Variants in PRUNE2 observed in about 807,000 individuals in gnomAD.
PRUNE2 encodes the protein protein prune homolog 2.
PRUNE2 carries 164 observed loss-of-function variants against 252.0 expected under a neutral mutation model. That is an observed-to-expected ratio of 0.65 (90% CI 0.57 to 0.74). The LOEUF (loss-of-function observed/expected upper bound fraction) is 0.74, where lower values mean the gene tolerates loss of function less well. Ranked by LOEUF, PRUNE2 falls within the 30% of genes least tolerant of loss-of-function variation. The pLI is 0.00. For missense variants in PRUNE2, 3,495 were observed against 3,711.0 expected (o/e 0.94, Z 1.51); for synonymous variants, 1,292 against 1,350.2 (o/e 0.96, Z 0.94).
intron 6 of PRUNE2, among the ~76,000 whole-genome samples, chr9:76,718,750 C>T (rs764077661): frequency 6.6e-6 from 1 of 152,090 alleles, no homozygotes; most frequent in Non-Finnish European, 1.5e-5. Flanking sequence ...CCACTGATGA[C>T]AGAATCTACA....
chr9:76,799,106 C>T (rs970567431), intron 6 of PRUNE2, among the ~76,000 whole-genome samples: 12 of 152,190 alleles, frequency 7.9e-5, no homozygotes, highest in African/African-American at 2.9e-4. Context: ...TTTGGGAGGC[C>T]GAGGTGGGTG....
chr9:76,625,014 A>G (rs1019040102), intron 16 of PRUNE2: 8 of 1,302,174 alleles, frequency 6.1e-6, no homozygotes, highest in African/African-American at 1.5e-5. Flanking sequence ...GGAGATCAGG[A>G]GATTTTACCT....
At chr9:76,767,376 G>A (rs936290981) in intron 6 of PRUNE2, among the ~76,000 whole-genome samples, 8 of 151,988 alleles carry the variant, frequency 5.3e-5, no homozygotes, top group African/African-American at 7.2e-5. Flanking sequence ...GCTTGAACTC[G>A]GGAGGCAGAG....
chr9:76,638,435 T>G, intron 12 of PRUNE2, 147 bp from the exon 13 acceptor site: 1 of 615,620 alleles, frequency 1.6e-6, no homozygotes, highest in Middle Eastern at 2.8e-4. Context: ...TGACTATAGG[T>G]CTGTAGGTAT....
At chr9:76,717,176 T>A (rs1297352701) in intron 6 of PRUNE2, among the ~76,000 whole-genome samples, 2 of 152,218 alleles carry the variant, frequency 1.3e-5, no homozygotes, top group Non-Finnish European at 2.9e-5. Flanking sequence ...CTAAAACAGA[T>A]TCTCATCAGC....
At chr9:76,905,311 C>T (rs1245346127) in intron 1 of PRUNE2, among the ~76,000 whole-genome samples, 2 of 152,196 alleles carry the variant, frequency 1.3e-5, no homozygotes, top group African/African-American at 4.8e-5. Flanking sequence ...GAACGATGAT[C>T]TGGTAAACTC....
chr9:76,855,692 T>C (rs1456996284), intron 1 of PRUNE2, among the ~76,000 whole-genome samples: 1 of 152,170 alleles, frequency 6.6e-6, no homozygotes, highest in Non-Finnish European at 1.5e-5. Context: ...TAAATTAAAA[T>C]AAATTTTTTT....
intron 17 of PRUNE2, among the ~76,000 whole-genome samples, chr9:76,620,221 C>T (rs527533628): frequency 3.3e-4 from 50 of 151,492 alleles, no homozygotes; most frequent in African/African-American, 1.1e-3. Context: ...CTCACTGCAA[C>T]CTCTGCCTCT....
chr9:76,824,745 C>T (rs2058244840), intron 5 of PRUNE2, among the ~76,000 whole-genome samples: 2 of 152,198 alleles, frequency 1.3e-5, no homozygotes, highest in Non-Finnish European at 2.9e-5. Context: ...GTTAAGGCTT[C>T]AGAGACCACT....
chr9:76,782,201 G>A (rs1039084692), intron 6 of PRUNE2, among the ~76,000 whole-genome samples: 5 of 151,492 alleles, frequency 3.3e-5, no homozygotes, highest in African/African-American at 7.3e-5. Context: ...GTGACAAAGC[G>A]AGACTCCATC....
At chr9:76,889,842 T>G (rs1335288460) in intron 1 of PRUNE2, among the ~76,000 whole-genome samples, 2 of 152,082 alleles carry the variant, frequency 1.3e-5, no homozygotes, top group Non-Finnish European at 2.9e-5. Context: ...CTCTGGACAC[T>G]CACTACTCAG....
chr9:76,654,900 G>A (rs1050247710), intron 10 of PRUNE2, among the ~76,000 whole-genome samples: 1 of 152,198 alleles, frequency 6.6e-6, no homozygotes, highest in African/African-American at 2.4e-5. Context: ...TAATGCAAGA[G>A]AGTGACCCTG....
At chr9:76,847,419 T>A (rs556359950) in intron 3 of PRUNE2, among the ~76,000 whole-genome samples, 3 of 144,788 alleles carry the variant, frequency 2.1e-5, no homozygotes, top group African/African-American at 8.6e-5. Flanking sequence ...ATTGTATAAG[T>A]TTTTTTTAAT....
chr9:76,684,759 T>G (rs1245953550), intron 9 of PRUNE2, among the ~76,000 whole-genome samples: 1 of 151,790 alleles, frequency 6.6e-6, no homozygotes, highest in Non-Finnish European at 1.5e-5. Flanking sequence ...GCCTCTTATT[T>G]ATTTATTTTT....
intron 2 of PRUNE2, among the ~76,000 whole-genome samples, chr9:76,851,548 G>A (rs568980378): frequency 2.4e-4 from 31 of 130,596 alleles, no homozygotes; most frequent in South Asian, 1.2e-3. Flanking sequence ...ACTCTGTCTC[G>A]GAAAAAAAAA....
intron 1 of PRUNE2, among the ~76,000 whole-genome samples, chr9:76,872,421 G>A (rs140170777): frequency 1.3e-5 from 2 of 152,244 alleles, no homozygotes; most frequent in East Asian, 3.9e-4. Flanking sequence ...GGGGCGCAGT[G>A]GACAGGAGCC....
intron 6 of PRUNE2, among the ~76,000 whole-genome samples, chr9:76,748,441 G>A (rs1236590347): frequency 1.3e-5 from 2 of 152,098 alleles, no homozygotes; most frequent in Non-Finnish European, 1.5e-5. Flanking sequence ...AATTCTGAAC[G>A]GGACATCTTT....
chr9:76,618,159 G>T (rs895489916), intron 18 of PRUNE2, among the ~76,000 whole-genome samples: 6 of 152,090 alleles, frequency 3.9e-5, no homozygotes, highest in African/African-American at 1.4e-4. Flanking sequence ...GCAGAGCAGG[G>T]CTAACTCATA....
chr9:76,770,698 A>C (rs1457732756), intron 6 of PRUNE2, among the ~76,000 whole-genome samples: 1 of 152,188 alleles, frequency 6.6e-6, no homozygotes, highest in African/African-American at 2.4e-5. Flanking sequence ...TGCTGATATG[A>C]TATTTTCTTT....
Sources: gnomAD v4.1 joint callset for allele counts (sites outside exome capture counted in the v4.1 genomes callset) on GRCh38, gnomAD v4.1.1 for gene constraint, MANE v1.5 for transcripts, NCBI Gene and HGNC (gene_info 2026-07-23, HGNC 2026-07-21) for gene names.